Variants in CLSTN2 observed in about 807,000 individuals in gnomAD.
The protein encoded by CLSTN2 is calsyntenin 2.
In CLSTN2, 48 loss-of-function variants were observed where a neutral mutation model predicts 101.2. The observed-to-expected ratio is 0.47, with a 90% CI of 0.38 to 0.60. CLSTN2 has a LOEUF of 0.60. Among genes scored for constraint, CLSTN2 ranks in the 20% least tolerant of loss-of-function variants. The pLI is 0.00. For synonymous variants in CLSTN2, 481 were observed against 463.6 expected, an observed-to-expected ratio of 1.04 and a Z score of -0.48; for missense variants, 1,160 against 1,238.2, an observed-to-expected ratio of 0.94 and a Z score of 0.95.
At chr3:140,032,487 C>CCACCA (rs2007574169) in intron 1 of CLSTN2, among the ~76,000 whole-genome samples, 1 of 152,162 alleles carries the variant, frequency 6.6e-6, no homozygotes. Context: ...CAGGTGCCAG[C>CCACCA]CACCACATCT....
intron 1 of CLSTN2, among the ~76,000 whole-genome samples, chr3:139,988,524 G>C (rs983302413): frequency 5.3e-5 from 8 of 152,166 alleles, no homozygotes; most frequent in African/African-American, 1.7e-4. Flanking sequence ...TGACATAAAA[G>C]GAGGAATAAG....
intron 2 of CLSTN2, among the ~76,000 whole-genome samples, chr3:140,350,082 C>T (rs1344651745): frequency 3.3e-5 from 5 of 152,204 alleles, no homozygotes; most frequent in Non-Finnish European, 5.9e-5. Context: ...TTTTACTACA[C>T]GCACACCTTG....
chr3:140,210,617 C>T (rs2010843242), intron 2 of CLSTN2, among the ~76,000 whole-genome samples: 1 of 152,210 alleles, frequency 6.6e-6, no homozygotes, highest in African/African-American at 2.4e-5. Flanking sequence ...AAACATCAAG[C>T]TGCTTCTCTC....
chr3:140,319,215 C>T (rs2087259028), intron 2 of CLSTN2, among the ~76,000 whole-genome samples: 1 of 152,112 alleles, frequency 6.6e-6, no homozygotes. Flanking sequence ...TTGTTTCATA[C>T]TACAAGACAC....
At chr3:140,162,038 C>G (rs1223310102) in intron 1 of CLSTN2, among the ~76,000 whole-genome samples, 1 of 152,086 alleles carries the variant, frequency 6.6e-6, no homozygotes, top group African/African-American at 2.4e-5. Context: ...TGGGAAGAGT[C>G]TCATTGTTTT....
At chr3:140,055,155 AT>A (rs768863418) in intron 1 of CLSTN2, among the ~76,000 whole-genome samples, 26 of 152,152 alleles carry the variant, frequency 1.7e-4, no homozygotes, top group Non-Finnish European at 3.5e-4. Context: ...TCAGAATTTC[AT>A]TCCATTTCAT....
intron 1 of CLSTN2, among the ~76,000 whole-genome samples, chr3:139,986,711 T>C (rs1936027107): frequency 6.6e-6 from 1 of 152,288 alleles, no homozygotes; most frequent in African/African-American, 2.4e-5. Context: ...TTGATCGTGC[T>C]CAGCAATGCC....
At chr3:140,281,157 A>T (rs1463708309) in intron 2 of CLSTN2, among the ~76,000 whole-genome samples, 2 of 152,164 alleles carry the variant, frequency 1.3e-5, no homozygotes, top group Non-Finnish European at 2.9e-5. Context: ...ATCATTACCT[A>T]TTAAAATCTC....
At chr3:140,527,672 GC>G (rs1935172740) in intron 8 of CLSTN2, among the ~76,000 whole-genome samples, 1 of 152,166 alleles carries the variant, frequency 6.6e-6, no homozygotes, top group African/African-American at 2.4e-5. Flanking sequence ...CAACCTAGGT[GC>G]CCATCAACAG....
intron 4 of CLSTN2, among the ~76,000 whole-genome samples, chr3:140,418,339 C>T (rs988347777): frequency 2.0e-4 from 31 of 151,882 alleles, no homozygotes; most frequent in African/African-American, 7.3e-4. Flanking sequence ...AAAGGGATTC[C>T]GAACACCAGC....
At chr3:140,134,378 G>A (rs774460891) in intron 1 of CLSTN2, among the ~76,000 whole-genome samples, 2 of 152,022 alleles carry the variant, frequency 1.3e-5, no homozygotes, top group Non-Finnish European at 2.9e-5. Flanking sequence ...TGCTCTCCAG[G>A]TGACATCAGA....
intron 1 of CLSTN2, among the ~76,000 whole-genome samples, chr3:140,126,114 C>T (rs775814278): frequency 2.6e-5 from 4 of 151,990 alleles, no homozygotes; most frequent in Non-Finnish European, 5.9e-5. Context: ...GGAGTGGGGC[C>T]ACGAAGTGGG....
At chr3:140,463,638 C>T (rs1461074731) in intron 7 of CLSTN2, among the ~76,000 whole-genome samples, 1 of 152,186 alleles carries the variant, frequency 6.6e-6, no homozygotes, top group African/African-American at 2.4e-5. Context: ...GTTTAGGGTA[C>T]ATGAAAGCTT....
At chr3:140,046,943 A>G (rs183641570) in intron 1 of CLSTN2, among the ~76,000 whole-genome samples, 3 of 151,922 alleles carry the variant, frequency 2.0e-5, no homozygotes, top group African/African-American at 7.3e-5. Flanking sequence ...CCTGCTTCCA[A>G]CTGTCCCTCT....
intron 1 of CLSTN2, among the ~76,000 whole-genome samples, chr3:140,101,013 A>G (rs2008957049): frequency 6.6e-6 from 1 of 152,070 alleles, no homozygotes; most frequent in Non-Finnish European, 1.5e-5. Flanking sequence ...AAGGCTGTAG[A>G]GACCCTGGTT....
In CLSTN2 at chr3:139,998,587, G is replaced by A. The variant is rs563781502; in HGVS notation, c.109+63104G>A. On this transcript the variant is annotated intron_variant, in intron 1 of 16. Transcript: ENST00000458420. The stretch of plus-strand genomic sequence containing the variant: ...TCTCTATCTCCTGACCTCGTGATCC[G>A]CCCGCCTCGGCCTCCCAAAGTGCTG... 2.5e-3 allele frequency among the ~76,000 whole-genome samples: 378 copies of A among 151,598 alleles called. 5 individuals carry two copies. The highest frequency in any genetic ancestry group is 8.0e-3 in the African/African-American group (331 of 41,308).
chr3:140,241,080 G>A (rs2086462954), intron 2 of CLSTN2, among the ~76,000 whole-genome samples: 1 of 152,228 alleles, frequency 6.6e-6, no homozygotes, highest in South Asian at 2.1e-4. Flanking sequence ...TGTAGTTATG[G>A]TTCTATGCTT....
chr3:140,340,906 A>C (rs1003084748), intron 2 of CLSTN2, among the ~76,000 whole-genome samples: 1 of 152,164 alleles, frequency 6.6e-6, no homozygotes, highest in African/African-American at 2.4e-5. Context: ...ATGCCCCTCA[A>C]CTGGGACTTG....
intron 2 of CLSTN2, among the ~76,000 whole-genome samples, chr3:140,305,524 C>T (rs1391372102): frequency 6.6e-6 from 1 of 152,144 alleles, no homozygotes; most frequent in Admixed American, 6.5e-5. Context: ...GGAAGCAGAA[C>T]GTGCTCAGGC....
Sources: allele counts gnomAD v4.1 joint callset (sites outside exome capture counted in the v4.1 genomes callset), GRCh38; gene constraint gnomAD v4.1.1; transcripts MANE v1.5; gene names NCBI Gene and HGNC (gene_info 2026-07-23, HGNC 2026-07-21).